The following C1orf21 variants were observed in gnomAD, a reference collection of about 807,000 sequenced individuals.
C1orf21 encodes chromosome 1 open reading frame 21.
A neutral mutation model predicts 18.7 loss-of-function variants in C1orf21; 3 were observed. The ratio of observed to expected loss-of-function variants is 0.16; its 90% CI spans 0.07 to 0.42. The LOEUF (loss-of-function observed/expected upper bound fraction) is 0.42. Among genes scored for constraint, C1orf21 ranks in the 10% least tolerant of loss-of-function variants. The pLI is 0.99. For synonymous variants in C1orf21, 41 were observed against 46.4 expected (o/e 0.88, Z 0.47); for missense variants, 104 against 143.6 (o/e 0.72, Z 1.41).
chr1:184,501,750 T>TA (rs1362347859), intron 2 of C1orf21, among the ~76,000 whole-genome samples: 2 of 152,196 alleles, frequency 1.3e-5, no homozygotes, highest in Non-Finnish European at 2.9e-5. Flanking sequence ...AGAAAGCAGA[T>TA]AGTTTCTTCC....
rs887211864 is a variant in C1orf21 at position 184,477,710 on chromosome 1, G to A, written c.94+107G>A. ...ATTTATGGGGTGCTTGTGATATTTT[G>A]TTACATGCCTAGAATGTGTAACGAT... On this transcript the variant is annotated intron_variant, in intron 2 of 5. Coordinates refer to ENST00000235307, the MANE Select transcript of C1orf21 (RefSeq NM_030806.4). 7 of 829,970 alleles carry A rather than the reference G, an allele frequency of 8.4e-6. No homozygotes were observed. The Admixed American group carries it at 1.3e-4, about 16-fold the overall frequency. The allele number at this position is 829,970 out of a possible 1,614,324, so 51.4% of individuals were successfully genotyped here. A position where few individuals can be genotyped will look rare whatever the true frequency, so the allele number is the denominator to read the frequency against.
intron 5 of C1orf21, among the ~76,000 whole-genome samples, chr1:184,617,424 C>T (rs907543974): frequency 2.9e-4 from 44 of 152,306 alleles, no homozygotes; most frequent in Middle Eastern, 3.4e-3. Context: ...ATATTTATGG[C>T]ATTGTGTGGA....
intron 1 of C1orf21, among the ~76,000 whole-genome samples, chr1:184,463,066 G>A (rs1212839027): frequency 1.5e-5 from 2 of 134,402 alleles, no homozygotes; most frequent in South Asian, 2.3e-4. Context: ...TGGGCGACAC[G>A]AGCAAGACTC....
At chr1:184,472,454 G>A (rs1245776562) in intron 1 of C1orf21, among the ~76,000 whole-genome samples, 1 of 151,814 alleles carries the variant, frequency 6.6e-6, no homozygotes, top group African/African-American at 2.4e-5. Context: ...TTCTTGACAG[G>A]GAATTTATCT....
At chr1:184,526,819 C>T (rs1179396584) in intron 3 of C1orf21, among the ~76,000 whole-genome samples, 1 of 152,076 alleles carries the variant, frequency 6.6e-6, no homozygotes, top group Non-Finnish European at 1.5e-5. Flanking sequence ...TTCATTCATT[C>T]ACTCCCTCAA....
intron 2 of C1orf21, among the ~76,000 whole-genome samples, chr1:184,486,203 A>G (rs1657730486): frequency 6.6e-6 from 1 of 152,132 alleles, no homozygotes; most frequent in Non-Finnish European, 1.5e-5. Flanking sequence ...TGTTAGTTTT[A>G]TTTCCTTTTA....
intron 3 of C1orf21, among the ~76,000 whole-genome samples, chr1:184,572,269 A>T (rs892781712): frequency 6.6e-6 from 1 of 152,236 alleles, no homozygotes; most frequent in African/African-American, 2.4e-5. Context: ...GGAACAAATT[A>T]AGCATGATTG....
At chr1:184,422,691 A>G (rs1656564546) in intron 1 of C1orf21, among the ~76,000 whole-genome samples, 1 of 152,166 alleles carries the variant, frequency 6.6e-6, no homozygotes, top group African/African-American at 2.4e-5. Context: ...AGTCTTTTCT[A>G]TTGTTAATAT....
intron 1 of C1orf21, among the ~76,000 whole-genome samples, chr1:184,461,996 C>T (rs1017508284): frequency 5.9e-5 from 9 of 152,180 alleles, no homozygotes; most frequent in Admixed American, 6.5e-5. Flanking sequence ...GAGTCCATTA[C>T]AGTGAGATGG....
Position 184,625,896 on chromosome 1 carries a change from C to T in C1orf21, c.*6340C>T, listed in dbSNP as rs947069186. 10 of 152,166 alleles carry T rather than the reference C, an allele frequency of 6.6e-5. No homozygotes were observed. Among genetic ancestry groups the T allele is most frequent in the African/African-American group, 2.4e-4 (10 of 41,412 alleles). The allele number at this position is 152,166 out of a possible 1,614,324, so 9.4% of individuals were successfully genotyped here. On this transcript the variant is annotated 3_prime_UTR_variant, in exon 6 of 6. Coordinates refer to ENST00000235307, the MANE Select transcript of C1orf21 (RefSeq NM_030806.4). ...CCTTACACACATAATAGACACATCC[C>T]TAACGGCGTGTGCCTGGTCCAGCCA...
intron 2 of C1orf21, among the ~76,000 whole-genome samples, chr1:184,493,790 T>C (rs1169724232): frequency 6.6e-6 from 1 of 152,254 alleles, no homozygotes; most frequent in Non-Finnish European, 1.5e-5. Context: ...TTATAAGATC[T>C]TGAGTTTGGA....
intron 1 of C1orf21, among the ~76,000 whole-genome samples, chr1:184,472,391 C>T (rs1013252489): frequency 2.6e-5 from 4 of 151,934 alleles, no homozygotes; most frequent in African/African-American, 9.7e-5. Flanking sequence ...TCTTTTTGGC[C>T]TAGAATTTCT....
At chr1:184,609,264 G>C (rs986306240) in intron 5 of C1orf21, among the ~76,000 whole-genome samples, 1 of 152,174 alleles carries the variant, frequency 6.6e-6, no homozygotes, top group African/African-American at 2.4e-5. Context: ...GACTAATGGG[G>C]ACCTACCAAG....
intron 3 of C1orf21, among the ~76,000 whole-genome samples, chr1:184,582,862 G>A (rs1263607649): frequency 1.3e-5 from 2 of 151,970 alleles, no homozygotes; most frequent in Non-Finnish European, 1.5e-5. Flanking sequence ...TTTTTGAGGC[G>A]GAATCTTGCT....
chr1:184,451,621 T>C (rs771213088), intron 1 of C1orf21, among the ~76,000 whole-genome samples: 15 of 152,066 alleles, frequency 9.9e-5, no homozygotes, highest in Admixed American at 7.2e-4. Context: ...ATTTTTCTAA[T>C]CTCAGTCTGT....
At chr1:184,490,996 T>C (rs1221580336) in intron 2 of C1orf21, among the ~76,000 whole-genome samples, 1 of 152,070 alleles carries the variant, frequency 6.6e-6, no homozygotes, top group African/African-American at 2.4e-5. Flanking sequence ...GAGCAAGGTA[T>C]AGTGGCTAAT....
intron 3 of C1orf21, among the ~76,000 whole-genome samples, chr1:184,580,530 A>G (rs77729115): frequency 0.012 from 1,875 of 152,334 alleles, 48 homozygotes; most frequent in African/African-American, 0.043. Context: ...TTTTTCCCTT[A>G]CAAATTGATG....
intron 3 of C1orf21, among the ~76,000 whole-genome samples, chr1:184,529,869 G>A (rs1361765218): frequency 1.3e-5 from 2 of 152,192 alleles, no homozygotes; most frequent in African/African-American, 2.4e-5. Flanking sequence ...TATTAACTTA[G>A]TAGAGAAGAA....
chr1:184,474,911 G>A (rs1657547247), intron 1 of C1orf21, among the ~76,000 whole-genome samples: 1 of 152,208 alleles, frequency 6.6e-6, no homozygotes, highest in South Asian at 2.1e-4. Flanking sequence ...GGATGAGGAA[G>A]CAGGGGGATG....
Sources: gnomAD v4.1 joint callset for allele counts (sites outside exome capture counted in the v4.1 genomes callset) on GRCh38, gnomAD v4.1.1 for gene constraint, MANE v1.5 for transcripts, NCBI Gene and HGNC (gene_info 2026-07-23, HGNC 2026-07-21) for gene names.